ZFHX3: variants seen among roughly 807,000 people sequenced by gnomAD.
ZFHX3 encodes the protein zinc finger homeobox protein 3.
A neutral mutation model predicts 279.1 loss-of-function variants in ZFHX3; 42 were observed. The observed-to-expected ratio is 0.15, with a 90% CI of 0.12 to 0.19. The LOEUF (loss-of-function observed/expected upper bound fraction) is 0.19. ZFHX3 is among the 10% of genes least tolerant of loss of function. The pLI is 1.00. For synonymous variants in ZFHX3, 2,293 were observed against 1,957.8 expected (o/e 1.17, Z -4.52); for missense variants, 4,981 against 4,754.0 (o/e 1.05, Z -1.40).
At chr16:73,385,854 G>A (rs1303123763) in intron 3 of ZFHX3, among the ~76,000 whole-genome samples, 1 of 152,176 alleles carries the variant, frequency 6.6e-6, no homozygotes, top group East Asian at 1.9e-4. Flanking sequence ...CACGGAAGGT[G>A]ATGTTCCTTG....
intron 1 of ZFHX3, among the ~76,000 whole-genome samples, chr16:73,007,521 A>T (rs1312267355): frequency 6.6e-6 from 1 of 152,064 alleles, no homozygotes; most frequent in Non-Finnish European, 1.5e-5. Context: ...ATCTCGGCTC[A>T]CTACAATCTC....
intron 5 of ZFHX3, among the ~76,000 whole-genome samples, chr16:73,226,659 C>T (rs1260505272): frequency 6.6e-6 from 1 of 152,224 alleles, no homozygotes; most frequent in Non-Finnish European, 1.5e-5. Context: ...AGTGTTCTTA[C>T]ACTTGAACTA....
rs779569649 is a variant in ZFHX3 at position 72,787,506 on chromosome 16, G to A, written c.10770C>T (p.Ala3590=). 3.7e-6 allele frequency: 6 copies of A among 1,613,882 alleles called. No individual in the cohort carries two copies. The highest frequency in any genetic ancestry group is 4.5e-5 in the East Asian group (2 of 44,856). The change falls in exon 10 of 10, where the codon GCC becomes GCT. Residue 3590 remains alanine, a synonymous_variant. Transcript: ENST00000268489. The part of the protein sequence containing the change: ...DPSTASTSQS[A]AHSNDSPPPP... ...GAGGGGGGCTGTCGTTTGAGTGAGC[G>A]GCAGACTGCGAGGTAGATGCGGTGC...
chr16:73,329,003 T>C (rs544804142), intron 3 of ZFHX3, among the ~76,000 whole-genome samples: 1 of 152,358 alleles, frequency 6.6e-6, no homozygotes, highest in East Asian at 1.9e-4. Context: ...CTCATTCTTT[T>C]CCTCTAGGAC....
chr16:73,541,580 C>G (rs1194936433), intron 2 of ZFHX3, among the ~76,000 whole-genome samples: 3 of 152,092 alleles, frequency 2.0e-5, no homozygotes. Context: ...GGCAGATGAC[C>G]TAGAGGCTCC....
chr16:73,404,323 T>C (rs1162218661), intron 3 of ZFHX3, among the ~76,000 whole-genome samples: 2 of 152,184 alleles, frequency 1.3e-5, no homozygotes, highest in Non-Finnish European at 2.9e-5. Context: ...TTTCCTGGAA[T>C]GAACAATCAA....
chr16:73,325,513 A>C (rs1365536861), intron 3 of ZFHX3, among the ~76,000 whole-genome samples: 1 of 152,152 alleles, frequency 6.6e-6, no homozygotes, highest in African/African-American at 2.4e-5. Flanking sequence ...GACATGGATC[A>C]TATCCATTCT....
At chr16:73,626,666 C>T (rs887151353) in intron 2 of ZFHX3, among the ~76,000 whole-genome samples, 4 of 152,046 alleles carry the variant, frequency 2.6e-5, no homozygotes, top group African/African-American at 9.7e-5. Flanking sequence ...TGCTGTCCCT[C>T]TTTCCATCTG....
chr16:73,716,305 A>G (rs1247735345), intron 1 of ZFHX3, among the ~76,000 whole-genome samples: 1 of 152,318 alleles, frequency 6.6e-6, no homozygotes, highest in Middle Eastern at 3.4e-3. Context: ...TGGAACGTAA[A>G]GAAAATTCTA....
chr16:73,143,283 A>G (rs1966852216), intron 6 of ZFHX3, among the ~76,000 whole-genome samples: 1 of 152,108 alleles, frequency 6.6e-6, no homozygotes, highest in Non-Finnish European at 1.5e-5. Context: ...CGAGAAGAGA[A>G]GAGAACTCAC....
chr16:73,250,747 G>A (rs946301038), intron 5 of ZFHX3, among the ~76,000 whole-genome samples: 45 of 152,190 alleles, frequency 3.0e-4, no homozygotes, highest in African/African-American at 9.9e-4. Flanking sequence ...CGTTAGCCAG[G>A]ATGGTCTCCA....
intron 1 of ZFHX3, among the ~76,000 whole-genome samples, chr16:73,870,235 G>T (rs758079818): frequency 6.6e-6 from 1 of 152,134 alleles, no homozygotes; most frequent in Non-Finnish European, 1.5e-5. Context: ...CAGGGACCTC[G>T]AGAGAATCTC....
chr16:73,623,870 T>C (rs74459540), intron 2 of ZFHX3, among the ~76,000 whole-genome samples: 1 of 152,232 alleles, frequency 6.6e-6, no homozygotes, highest in Non-Finnish European at 1.5e-5. Context: ...CTTAAAATGA[T>C]GTACTACAAT....
intron 4 of ZFHX3, among the ~76,000 whole-genome samples, chr16:72,856,964 AAGG>A (rs2037768309): frequency 6.6e-6 from 1 of 152,200 alleles, no homozygotes; most frequent in African/African-American, 2.4e-5. Context: ...GGCAGCCAGT[AAGG>A]AGAACTCCAC....
chr16:73,282,802 C>T (rs992131309), intron 4 of ZFHX3, among the ~76,000 whole-genome samples: 7 of 152,154 alleles, frequency 4.6e-5, no homozygotes, highest in Non-Finnish European at 1.0e-4. Flanking sequence ...TCATTAACAA[C>T]ATGATGCGGT....
At chr16:73,110,447 A>G (rs1293032713) in intron 7 of ZFHX3, among the ~76,000 whole-genome samples, 3 of 152,186 alleles carry the variant, frequency 2.0e-5, no homozygotes, top group African/African-American at 7.2e-5. Flanking sequence ...TTTCCCTGAC[A>G]TGACTTTGTA....
At chr16:73,460,533 G>T (rs961022658) in intron 2 of ZFHX3, among the ~76,000 whole-genome samples, 1 of 152,124 alleles carries the variant, frequency 6.6e-6, no homozygotes. Flanking sequence ...TGTTGTTGTT[G>T]TTGTTTTTAT....
chr16:73,100,107 G>A (rs1269963594), intron 7 of ZFHX3, among the ~76,000 whole-genome samples: 2 of 152,108 alleles, frequency 1.3e-5, no homozygotes, highest in Non-Finnish European at 2.9e-5. Context: ...TGACAATTCC[G>A]GGGCTCCACC....
intron 2 of ZFHX3, among the ~76,000 whole-genome samples, chr16:73,607,213 G>C (rs2052197904): frequency 6.6e-6 from 1 of 152,092 alleles, no homozygotes; most frequent in Non-Finnish European, 1.5e-5. Flanking sequence ...ATTTTTAGTA[G>C]AGATGGGGTT....
Sources: allele counts gnomAD v4.1 joint callset (sites outside exome capture counted in the v4.1 genomes callset), GRCh38; gene constraint gnomAD v4.1.1; transcripts MANE v1.5; gene names NCBI Gene and HGNC (gene_info 2026-07-23, HGNC 2026-07-21).